ADGRL3: variants seen among roughly 807,000 people sequenced by gnomAD.
ADGRL3 encodes calcium-independent alpha-latrotoxin receptor 3.
In ADGRL3, 62 loss-of-function variants were observed where a neutral mutation model predicts 153.5. That is an observed-to-expected ratio of 0.40 (90% CI 0.33 to 0.50). The LOEUF is 0.50. Ranked by LOEUF, ADGRL3 falls within the 20% of genes least tolerant of loss-of-function variation. ADGRL3 has a pLI of 0.47. For missense variants in ADGRL3, 1,641 were observed against 1,859.4 expected (o/e 0.88, Z 2.16); for synonymous variants, 710 against 672.5 (o/e 1.06, Z -0.86).
chr4:61,384,996 A>G (rs1463868994), intron 2 of ADGRL3, among the ~76,000 whole-genome samples: 1 of 152,160 alleles, frequency 6.6e-6, no homozygotes, highest in Non-Finnish European at 1.5e-5. Context: ...TGATAGCTGC[A>G]CAACTTAGTG....
At chr4:61,759,978 G>C (rs1467266383) in intron 8 of ADGRL3, among the ~76,000 whole-genome samples, 1 of 152,208 alleles carries the variant, frequency 6.6e-6, no homozygotes, top group Admixed American at 6.5e-5. Context: ...GGAGGCTGCA[G>C]AACATCGGAT....
intron 13 of ADGRL3, among the ~76,000 whole-genome samples, chr4:61,913,751 A>G (rs1364779460): frequency 6.6e-6 from 1 of 152,120 alleles, no homozygotes; most frequent in Admixed American, 6.6e-5. Flanking sequence ...CAGAATTGAG[A>G]ACTGGATTTA....
chr4:61,776,939 T>C (rs527625525), intron 8 of ADGRL3, among the ~76,000 whole-genome samples: 3 of 152,212 alleles, frequency 2.0e-5, no homozygotes, highest in Admixed American at 6.5e-5. Context: ...TAAACATATA[T>C]AATGATCTGA....
At chr4:61,786,582 G>A (rs968781438) in intron 8 of ADGRL3, among the ~76,000 whole-genome samples, 4 of 152,174 alleles carry the variant, frequency 2.6e-5, no homozygotes, top group African/African-American at 9.6e-5. Flanking sequence ...ATTAGCCATC[G>A]GAGTATTACA....
intron 21 of ADGRL3, among the ~76,000 whole-genome samples, chr4:62,006,003 C>CACACACACACACATATATATAT: frequency 2.0e-5 from 1 of 48,990 alleles, no homozygotes; most frequent in African/African-American, 7.4e-5. Context: ...CACACACACA[C>CACACACACACACATATATATAT]ATATATATAT....
intron 1 of ADGRL3, among the ~76,000 whole-genome samples, chr4:61,233,657 T>C (rs1464244874): frequency 6.6e-6 from 1 of 152,124 alleles, no homozygotes; most frequent in African/African-American, 2.4e-5. Flanking sequence ...AATGTATACA[T>C]GGAAAAGGCA....
At chr4:61,368,918 G>T (rs1405275012) in intron 1 of ADGRL3, among the ~76,000 whole-genome samples, 1 of 152,146 alleles carries the variant, frequency 6.6e-6, no homozygotes, top group Non-Finnish European at 1.5e-5. Flanking sequence ...ACAGCGATTT[G>T]TAGTTGTCCT....
chr4:61,851,053 GAATT>G (rs2098196376), intron 9 of ADGRL3, among the ~76,000 whole-genome samples: 1 of 151,694 alleles, frequency 6.6e-6, no homozygotes, highest in South Asian at 2.1e-4. Flanking sequence ...GCTGAAATTT[GAATT>G]AATTGCCTCA....
intron 2 of ADGRL3, among the ~76,000 whole-genome samples, chr4:61,418,029 T>A (rs1023125478): frequency 6.6e-6 from 1 of 152,176 alleles, no homozygotes; most frequent in Non-Finnish European, 1.5e-5. Flanking sequence ...TGCAAAGAAC[T>A]CTTTTTCTAC....
chr4:62,044,059 A>T (rs192939830), intron 24 of ADGRL3, among the ~76,000 whole-genome samples: 2 of 152,160 alleles, frequency 1.3e-5, no homozygotes, highest in East Asian at 3.9e-4. Context: ...AATTTAATGC[A>T]TAGTTAAACA....
intron 2 of ADGRL3, among the ~76,000 whole-genome samples, chr4:61,489,721 T>A (rs2098236707): frequency 6.6e-6 from 1 of 152,050 alleles, no homozygotes. Context: ...CTGATTCATT[T>A]AACACCTCTA....
chr4:62,016,574 T>C (rs1168067568), intron 21 of ADGRL3, among the ~76,000 whole-genome samples: 1 of 152,204 alleles, frequency 6.6e-6, no homozygotes, highest in African/African-American at 2.4e-5. Context: ...TATGTTTTTC[T>C]ATCATTACTA....
chr4:61,544,790 G>A (rs896001904), intron 4 of ADGRL3, among the ~76,000 whole-genome samples: 2 of 152,066 alleles, frequency 1.3e-5, no homozygotes, highest in Non-Finnish European at 2.9e-5. Context: ...GATTTATGAT[G>A]TTTGTTGTTT....
chr4:61,693,525 C>T (rs2151169246), intron 6 of ADGRL3, among the ~76,000 whole-genome samples: 1 of 152,218 alleles, frequency 6.6e-6, no homozygotes, highest in South Asian at 2.1e-4. Context: ...ATTAAGCTGT[C>T]ACATCAGAGT....
intron 2 of ADGRL3, among the ~76,000 whole-genome samples, chr4:61,429,908 G>T (rs2097334684): frequency 6.6e-6 from 1 of 152,024 alleles, no homozygotes; most frequent in African/African-American, 2.4e-5. Flanking sequence ...TATTTATGGG[G>T]TAGTTTTTAA....
intron 4 of ADGRL3, among the ~76,000 whole-genome samples, chr4:61,547,661 G>C (rs1032912978): frequency 6.6e-6 from 1 of 151,998 alleles, no homozygotes; most frequent in African/African-American, 2.4e-5. Flanking sequence ...CCATTGATGG[G>C]TATTTAGGTT....
rs1200849433 is a variant in ADGRL3 at position 61,517,404 on chromosome 4, C to G, written c.145C>G (p.Leu49Val). Residue 49 changes from leucine (L) to valine (V), a missense_variant, in exon 4 of 27, where the codon CTG becomes GTG. By Grantham distance (32) the Leu-to-Val change is conservative. Coordinates refer to ENST00000683033, the MANE Select transcript of ADGRL3 (RefSeq NM_001387552.1). ...AGGAGGCGCTCTTCCACCCAGACAT[C>G]TGCTTCAGCAGCCAGCTGCAGAGCG... ...SPGGALPPRH[L>V]LQQPAAERTA... The G allele has an allele frequency of 1.3e-6, 1 of 754,934 alleles. No homozygotes were observed. Among genetic ancestry groups the G allele is most frequent in the Non-Finnish European group, 2.3e-6 (1 of 432,458 alleles). 46.8% of individuals were successfully genotyped at this position (754,934 alleles called of 1,614,324 possible). A position where few individuals can be genotyped will look rare whatever the true frequency, so the allele number is the denominator to read the frequency against.
intron 8 of ADGRL3, among the ~76,000 whole-genome samples, chr4:61,765,448 C>A (rs2152251830): frequency 6.6e-6 from 1 of 152,154 alleles, no homozygotes; most frequent in South Asian, 2.1e-4. Context: ...GGTGGCTGAG[C>A]TTGGTGAGGT....
intron 4 of ADGRL3, among the ~76,000 whole-genome samples, chr4:61,520,455 A>G (rs2098523173): frequency 6.6e-6 from 1 of 152,202 alleles, no homozygotes; most frequent in African/African-American, 2.4e-5. Flanking sequence ...CTGACAAAAC[A>G]TCTGAAAAAC....
Sources: gnomAD v4.1 joint callset for allele counts (sites outside exome capture counted in the v4.1 genomes callset) on GRCh38, gnomAD v4.1.1 for gene constraint, MANE v1.5 for transcripts, NCBI Gene and HGNC (gene_info 2026-07-23, HGNC 2026-07-21) for gene names.